The following PDE1C variants were observed in gnomAD, a reference collection of about 807,000 sequenced individuals.
The protein encoded by PDE1C is dual specificity calcium/calmodulin-dependent 3',5'-cyclic nucleotide phosphodiesterase 1C.
A neutral mutation model predicts 93.1 loss-of-function variants in PDE1C; 62 were observed. That is an observed-to-expected ratio of 0.67 (90% CI 0.54 to 0.82). The LOEUF is 0.82. Ranked by LOEUF, PDE1C falls within the 40% of genes least tolerant of loss-of-function variation. PDE1C has a pLI of 0.00. For synonymous variants in PDE1C, 325 were observed against 310.1 expected (o/e 1.05, Z -0.50); for missense variants, 742 against 884.6 (o/e 0.84, Z 2.04).
intron 13 of PDE1C, 90 bp downstream of exon 13, chr7:31,824,777 T>G: frequency 2.0e-6 from 3 of 1,524,680 alleles, no homozygotes; most frequent in Non-Finnish European, 2.7e-6. Flanking sequence ...AATGCCATTA[T>G]GAAATACCAT....
At chr7:32,342,093 A>T (rs1030150605) in intron 1 of PDE1C, among the ~76,000 whole-genome samples, 3 of 152,200 alleles carry the variant, frequency 2.0e-5, no homozygotes, top group African/African-American at 4.8e-5. Flanking sequence ...AGAATAATGT[A>T]TGATTGTTTG....
intron 1 of PDE1C, among the ~76,000 whole-genome samples, chr7:32,362,224 T>A (rs182730897): frequency 1.3e-5 from 2 of 152,166 alleles, no homozygotes; most frequent in East Asian, 3.9e-4. Context: ...CGTGTGTGCA[T>A]GGATGGAGTG....
At chr7:32,150,966 A>G (rs759416715) in intron 3 of PDE1C, among the ~76,000 whole-genome samples, 2 of 152,156 alleles carry the variant, frequency 1.3e-5, no homozygotes, top group Non-Finnish European at 2.9e-5. Context: ...TGAGTTCTAT[A>G]TGACAAAGTC....
intron 14 of PDE1C, among the ~76,000 whole-genome samples, chr7:31,819,013 C>A (rs545398469): frequency 1.3e-4 from 20 of 152,114 alleles, no homozygotes; most frequent in Non-Finnish European, 2.8e-4. Flanking sequence ...CAGAAACAAA[C>A]CTGGTTTTTC....
At chr7:32,210,106 C>T (rs1405511411) in intron 1 of PDE1C, among the ~76,000 whole-genome samples, 1 of 152,188 alleles carries the variant, frequency 6.6e-6, no homozygotes, top group Non-Finnish European at 1.5e-5. Context: ...AACCTTACCC[C>T]TAAAGCTTCT....
intron 1 of PDE1C, among the ~76,000 whole-genome samples, chr7:32,339,047 CAA>C (rs1397415654): frequency 2.2e-5 from 3 of 136,558 alleles, no homozygotes; most frequent in East Asian, 2.1e-4. Flanking sequence ...CACACACACA[CAA>C]AGAGTATTAG....
chr7:32,231,330 C>T lies in PDE1C; in HGVS notation c.86-21791G>A, dbSNP rs147107876. On this transcript the variant is annotated intron_variant, in intron 1 of 18. Coordinates refer to the PDE1C transcript ENST00000396193. The stretch of plus-strand genomic sequence containing the variant: ...GCCAACATAAATACACACACACACG[C>T]GCACGTGCACACACACCTTTACACA... Among the ~76,000 whole-genome samples, 707 of 152,190 alleles carry T rather than the reference C, an allele frequency of 4.6e-3. 5 individuals carry two copies. Among genetic ancestry groups the T allele is most frequent in the African/African-American group, 0.016 (674 of 41,508 alleles).
chr7:32,203,658 C>T (rs1193801001), intron 2 of PDE1C, among the ~76,000 whole-genome samples: 1 of 152,110 alleles, frequency 6.6e-6, no homozygotes, highest in Non-Finnish European at 1.5e-5. Context: ...CCCCATTATC[C>T]GAGGGGGTAC....
intron 2 of PDE1C, among the ~76,000 whole-genome samples, chr7:31,946,513 A>T (rs534471778): frequency 6.6e-6 from 1 of 152,302 alleles, no homozygotes; most frequent in East Asian, 1.9e-4. Context: ...TTGTATCTTA[A>T]ACTAGAAGAA....
At chr7:31,840,736 G>C (rs1422438798) in intron 9 of PDE1C, among the ~76,000 whole-genome samples, 1 of 152,058 alleles carries the variant, frequency 6.6e-6, no homozygotes, top group Non-Finnish European at 1.5e-5. Context: ...CAATTGATGA[G>C]TCAATTTCAA....
chr7:31,782,148 A>G lies in PDE1C; in HGVS notation c.1892-6416T>C, dbSNP rs550965101. Among the ~76,000 whole-genome samples the G allele has an allele frequency of 2.6e-5, 4 of 152,346 alleles. No homozygotes were observed. The East Asian group carries it at 7.7e-4, about 29-fold the overall frequency. On this transcript the variant is annotated intron_variant, in intron 16 of 17. Transcript: ENST00000396191. ...CCCAACAGCAGAGAGGTGGTTAAGTAAATTGCGCTAGAGCCACAGAATAAA... is the reference window on the plus strand; with the variant it reads ...CCCAACAGCAGAGAGGTGGTTAAGTGAATTGCGCTAGAGCCACAGAATAAA...
intron 1 of PDE1C, among the ~76,000 whole-genome samples, chr7:32,330,852 G>T (rs946605626): frequency 6.6e-6 from 1 of 152,180 alleles, no homozygotes; most frequent in Non-Finnish European, 1.5e-5. Flanking sequence ...GCAGGGAATC[G>T]CATCTGCTAA....
At chr7:31,714,776 A>T in the PDE1C span, among the ~76,000 whole-genome samples, 4 of 152,164 alleles carry the variant, frequency 2.6e-5, no homozygotes, top group African/African-American at 9.7e-5. Context: ...ATTCATGATC[A>T]CAAGAACAGC....
At chr7:31,879,805 A>G (rs2128877291) in intron 3 of PDE1C, among the ~76,000 whole-genome samples, 1 of 152,340 alleles carries the variant, frequency 6.6e-6, no homozygotes, top group South Asian at 2.1e-4. Context: ...AATCGAACAC[A>G]AAGAGCAATG....
chr7:31,800,942 T>G (rs1423317725), intron 16 of PDE1C, among the ~76,000 whole-genome samples: 1 of 151,204 alleles, frequency 6.6e-6, no homozygotes, highest in Admixed American at 6.6e-5. Flanking sequence ...AGAAAGTATT[T>G]TGAGCTGAAT....
chr7:32,070,153 C>A, intron 1 of PDE1C, 140 bp downstream of exon 1: 1 of 1,411,876 alleles, frequency 7.1e-7, no homozygotes, highest in Non-Finnish European at 9.5e-7. Flanking sequence ...CTGTAATTAA[C>A]AGAGCAGCAG....
At chr7:31,695,692 A>G in the PDE1C span, 1 of 1,451,614 alleles carries the variant, frequency 6.9e-7, no homozygotes, top group Non-Finnish European at 9.3e-7. Flanking sequence ...GTTCGTACAC[A>G]TTTTTCCTTA....
chr7:32,364,122 G>C (rs912846386), intron 1 of PDE1C, among the ~76,000 whole-genome samples: 22 of 152,224 alleles, frequency 1.4e-4, no homozygotes, highest in Non-Finnish European at 2.9e-4. Flanking sequence ...TAAATGGAGT[G>C]TGGGTCTCCT....
chr7:31,825,123 C>A, intron 12 of PDE1C, 136 bp from the exon 13 acceptor site: 1 of 1,116,584 alleles, frequency 9.0e-7, no homozygotes, highest in East Asian at 2.5e-5. Context: ...GTATGTATTC[C>A]TTGATTTGAA....
Sources: gnomAD v4.1 joint callset for allele counts (sites outside exome capture counted in the v4.1 genomes callset) on GRCh38, gnomAD v4.1.1 for gene constraint, MANE v1.5 for transcripts, NCBI Gene and HGNC (gene_info 2026-07-23, HGNC 2026-07-21) for gene names.